Variants in L3MBTL4 observed in about 807,000 individuals in gnomAD.
L3MBTL4 encodes the protein L3MBTL histone methyl-lysine binding protein 4.
Under a neutral mutation model 84.5 loss-of-function variants are expected in L3MBTL4, and 70 were observed. That is an observed-to-expected ratio of 0.83 (90% CI 0.68 to 1.01). The LOEUF is 1.01. Ranked by LOEUF, L3MBTL4 falls within the 50% of genes least tolerant of loss-of-function variation. L3MBTL4 has a pLI of 0.00. For synonymous variants in L3MBTL4, 274 were observed against 259.8 expected, an observed-to-expected ratio of 1.05 and a Z score of -0.52; for missense variants, 715 against 754.8, an observed-to-expected ratio of 0.95 and a Z score of 0.62.
chr18:6,288,700 T>C (rs968866294), intron 4 of L3MBTL4, among the ~76,000 whole-genome samples: 1 of 152,052 alleles, frequency 6.6e-6, no homozygotes, highest in Admixed American at 6.6e-5. Flanking sequence ...ATTAACAGGA[T>C]GTAAAATTGG....
At chr18:6,348,665 T>C (rs879377620) in intron 1 of L3MBTL4, among the ~76,000 whole-genome samples, 4 of 151,912 alleles carry the variant, frequency 2.6e-5, no homozygotes, top group Non-Finnish European at 5.9e-5. Flanking sequence ...TTGAATAATA[T>C]ACAAAAAGGT....
At chr18:5,978,635 C>A (rs1311946062) in intron 16 of L3MBTL4, among the ~76,000 whole-genome samples, 1 of 152,192 alleles carries the variant, frequency 6.6e-6, no homozygotes, top group Non-Finnish European at 1.5e-5. Flanking sequence ...AGCAACAAGT[C>A]CTGCTGGGTT....
chr18:6,092,348 G>A (rs1568105713), intron 15 of L3MBTL4, among the ~76,000 whole-genome samples: 3 of 152,352 alleles, frequency 2.0e-5, no homozygotes, highest in South Asian at 4.1e-4. Context: ...CCCCCTTGAA[G>A]AGAAGGAGCA....
At chr18:6,080,330 G>A (rs2058032662) in intron 16 of L3MBTL4, among the ~76,000 whole-genome samples, 1 of 152,228 alleles carries the variant, frequency 6.6e-6, no homozygotes, top group South Asian at 2.1e-4. Context: ...TGATTCCTTA[G>A]CTTGGTACAA....
intron 1 of L3MBTL4, among the ~76,000 whole-genome samples, chr18:6,392,421 C>T (rs370864): frequency 0.52 from 78,581 of 151,986 alleles, 20,383 homozygotes; most frequent in East Asian, 0.59. Context: ...TGGTGGCACA[C>T]GCCTATAATC....
intron 10 of L3MBTL4, among the ~76,000 whole-genome samples, chr18:6,232,588 T>A (rs571184360): frequency 6.6e-6 from 1 of 152,088 alleles, no homozygotes; most frequent in African/African-American, 2.4e-5. Context: ...AAAATAAATA[T>A]GATTTATTGC....
intron 13 of L3MBTL4, among the ~76,000 whole-genome samples, chr18:6,144,196 C>CAAAAAAAAAAAA (rs35746580): frequency 3.4e-5 from 2 of 58,080 alleles, no homozygotes; most frequent in African/African-American, 1.2e-4. Context: ...ACTCCATCTC[C>CAAAAAAAAAAAA]AAAAAAAAAA....
At chr18:6,256,152 G>T (rs1184452061) in intron 5 of L3MBTL4, among the ~76,000 whole-genome samples, 2 of 152,172 alleles carry the variant, frequency 1.3e-5, no homozygotes, top group African/African-American at 4.8e-5. Context: ...TCCTGCACCT[G>T]CAGGGCTAAA....
intron 14 of L3MBTL4, among the ~76,000 whole-genome samples, chr18:6,136,990 G>T (rs920263186): frequency 1.3e-5 from 2 of 152,146 alleles, no homozygotes; most frequent in African/African-American, 4.8e-5. Context: ...TCTTCCAAGT[G>T]CACTTTACTT....
At chr18:6,125,893 G>A (rs960580218) in intron 14 of L3MBTL4, among the ~76,000 whole-genome samples, 32 of 152,062 alleles carry the variant, frequency 2.1e-4, no homozygotes, top group African/African-American at 7.2e-4. Context: ...AGTAGTCAAG[G>A]GAAAACACAG....
At position 6,080,966 on chromosome 18, in the gene L3MBTL4, G is replaced by T. The variant is rs2058057661; in HGVS notation, c.1374-15C>A. On this transcript the variant is annotated splice_polypyrimidine_tract_variant and intron_variant, in intron 15 of 18. Coordinates refer to ENST00000317931, the MANE Select transcript of L3MBTL4 (RefSeq NM_001330559.2). ...GCTGTACAAGTCTGGGCAAAGAACA[G>T]AAATAAAATCTAGATTCATTATCCT... is the stretch of plus-strand genomic sequence containing the variant. The T allele has an allele frequency of 6.3e-7, 1 of 1,581,098 alleles. No homozygotes were observed. Among genetic ancestry groups the T allele is most frequent in the Non-Finnish European group, 8.6e-7 (1 of 1,158,572 alleles).
chr18:6,163,180 G>A (rs2043425939), intron 13 of L3MBTL4, among the ~76,000 whole-genome samples: 1 of 145,352 alleles, frequency 6.9e-6, no homozygotes, highest in Admixed American at 7.3e-5. Context: ...AGTGGAAAAA[G>A]AATTCAGTGA....
chr18:6,006,571 G>T (rs2054497312), intron 16 of L3MBTL4, among the ~76,000 whole-genome samples: 1 of 152,178 alleles, frequency 6.6e-6, no homozygotes, highest in Non-Finnish European at 1.5e-5. Context: ...ACATAAGCAT[G>T]AAGGAATTGC....
intron 15 of L3MBTL4, 99 bp from the exon 16 acceptor site, chr18:6,081,050 C>T: frequency 1.2e-6 from 1 of 817,074 alleles, no homozygotes; most frequent in Non-Finnish European, 1.9e-6. Context: ...GCAGGGTAAA[C>T]AATAGTGAAT....
At position 6,225,585 on chromosome 18, in the gene L3MBTL4, C is replaced by G. The variant is rs138947908; in HGVS notation, c.785-9750G>C. On this transcript the variant is annotated intron_variant, in intron 10 of 18. Coordinates refer to ENST00000317931, the MANE Select transcript of L3MBTL4 (RefSeq NM_001330559.2). ...GATAAGCCTGGGAAACATGGCAAAA[C>G]ACCATCTTTACCAAAAATACAAACA... Among the ~76,000 whole-genome samples, 21 of 152,166 alleles carry G rather than the reference C, an allele frequency of 1.4e-4. No homozygotes were observed. The East Asian group carries it at 3.7e-3, about 27-fold the overall frequency.
intron 10 of L3MBTL4, among the ~76,000 whole-genome samples, chr18:6,237,445 CTTTTTTTTTTTTTTT>C (rs1173599586): frequency 1.1e-5 from 1 of 88,914 alleles, no homozygotes; most frequent in African/African-American, 4.7e-5. Context: ...CCTAGTACAT[CTTTTTTTTTTTTTTT>C]TTTTTTTTTT....
chr18:6,212,938 G>T (rs1480374666), intron 12 of L3MBTL4, among the ~76,000 whole-genome samples: 1 of 152,140 alleles, frequency 6.6e-6, no homozygotes, highest in Non-Finnish European at 1.5e-5. Flanking sequence ...TTTAAGGTGT[G>T]AGTTATACAC....
chr18:6,284,082 T>C (rs2049446371), intron 4 of L3MBTL4, among the ~76,000 whole-genome samples: 3 of 152,210 alleles, frequency 2.0e-5, no homozygotes, highest in South Asian at 4.1e-4. Context: ...AATTGTGAGT[T>C]AGATGCTGTC....
At chr18:6,179,506 A>G (rs1157989814) in intron 12 of L3MBTL4, among the ~76,000 whole-genome samples, 1 of 152,220 alleles carries the variant, frequency 6.6e-6, no homozygotes, top group Non-Finnish European at 1.5e-5. Context: ...AGGTGGGTTC[A>G]GGGATAGTAC....
Sources: allele counts gnomAD v4.1 joint callset (sites outside exome capture counted in the v4.1 genomes callset), GRCh38; gene constraint gnomAD v4.1.1; transcripts MANE v1.5; gene names NCBI Gene and HGNC (gene_info 2026-07-23, HGNC 2026-07-21).